SPEF1: variants seen among roughly 807,000 people sequenced by gnomAD.
SPEF1 encodes the protein sperm flagellar and cilia associated 1, also known as sperm flagella and cilia-associated protein 1.
Under a neutral mutation model 31.8 loss-of-function variants are expected in SPEF1, and 30 were observed. The observed-to-expected ratio is 0.94, with a 90% confidence interval of 0.70 to 1.28. The LOEUF (loss-of-function observed/expected upper bound fraction) is 1.28. Among genes scored for constraint, SPEF1 ranks in the 50% most tolerant of loss-of-function variants. SPEF1 has a pLI of 0.00. For synonymous variants in SPEF1, 126 were observed against 130.1 expected, an observed-to-expected ratio of 0.97 and a Z score of 0.21; for missense variants, 298 against 309.6, an observed-to-expected ratio of 0.96 and a Z score of 0.28.
intron 3 of SPEF1, 45 bp downstream of exon 3, chr20:3,779,151 C>T (rs768391814): frequency 1.3e-6 from 2 of 1,544,826 alleles, no homozygotes; most frequent in Non-Finnish European, 1.7e-6. Flanking sequence ...GAGCGCCCCC[C>T]ACCCAGCCCC....
At position 3,781,165 on chromosome 20, in the gene SPEF1, A is replaced by G. The variant is rs2088777046; in HGVS notation, c.109+14T>C. ...CATACAGGACAGAACATGCAGACAC[A>G]CAAGGGCACACACCTCCATCGCTAA... On this transcript the variant is annotated intron_variant, in intron 1 of 6. Transcript: ENST00000379756. 1 of 1,613,972 alleles carries G rather than the reference A, an allele frequency of 6.2e-7. No individual in the cohort carries two copies. Among genetic ancestry groups the G allele is most frequent in the African/African-American group, 1.3e-5 (1 of 74,922 alleles).
At chr20:3,779,110 A>C in intron 3 of SPEF1, 86 bp downstream of exon 3, 1 of 1,560,336 alleles carries the variant, frequency 6.4e-7, no homozygotes, top group Non-Finnish European at 8.7e-7. Context: ...CCCCACACTT[A>C]TCACCCAGGC....
Position 3,777,583 on chromosome 20 carries a change from G to A in SPEF1, c.*629C>T, listed in dbSNP as rs886485469. 6.6e-6 allele frequency: 1 copy of A among 152,350 alleles called. No homozygotes were observed. The highest frequency in any genetic ancestry group is 2.1e-4 in the South Asian group (1 of 4,840). 9.4% of individuals were successfully genotyped at this position (152,350 alleles called of 1,614,324 possible). On this transcript the variant is annotated 3_prime_UTR_variant, in exon 7 of 7. Transcript: ENST00000379756. This position sits in a 1 kb window ranked among gnomAD's most constrained non-coding sequence, Gnocchi z 4.1. Reference sequence around the variant, plus strand: ...TCCGCCTCAGTACCCCGTGCGCGAGGAGGGAGGGGCGACTGCTACGGGCAC... The same window carrying A: ...TCCGCCTCAGTACCCCGTGCGCGAGAAGGGAGGGGCGACTGCTACGGGCAC...
intron 3 of SPEF1, 55 bp from the exon 4 acceptor site, chr20:3,779,045 C>A (rs1258545757): frequency 6.2e-7 from 1 of 1,612,544 alleles, no homozygotes. Context: ...CCCCAAGGAG[C>A]CCCATGTCCC....
At chr20:3,778,829 A>C in intron 4 of SPEF1, 23 bp from the exon 5 acceptor site, 1 of 1,613,590 alleles carries the variant, frequency 6.2e-7, no homozygotes, top group Non-Finnish European at 8.5e-7. Flanking sequence ...AAGTGGAGGA[A>C]TGACTGTGCT....
rs751724022 is a variant in SPEF1, at chr20:3,781,403, A to G, written c.-116T>C. 3.3e-5 allele frequency: 47 copies of G among 1,432,930 alleles called. No homozygotes were observed. Among genetic ancestry groups the G allele is most frequent in the Non-Finnish European group, 4.3e-5 (46 of 1,080,676 alleles). The allele number at this position is 1,432,930 out of a possible 1,614,324, so 88.8% of individuals were successfully genotyped here. A position where few individuals can be genotyped will look rare whatever the true frequency, so the allele number is the denominator to read the frequency against. Reference sequence around the variant, plus strand: ...AGCCCATAACTGCCTCTGCCTGCCTAATCCAGAGACTCACGTCCCAGCTGG... The same window carrying G: ...AGCCCATAACTGCCTCTGCCTGCCTGATCCAGAGACTCACGTCCCAGCTGG... On this transcript the variant is annotated 5_prime_UTR_variant, in exon 1 of 7. Coordinates refer to ENST00000379756, the MANE Select transcript of SPEF1 (RefSeq NM_015417.5).
At chr20:3,779,508 G>A (rs908871201) in intron 2 of SPEF1, among the ~76,000 whole-genome samples, 156 bp from the exon 3 acceptor site, 1 of 152,156 alleles carries the variant, frequency 6.6e-6, no homozygotes, top group African/African-American at 2.4e-5. Flanking sequence ...TGGGTGTTCC[G>A]AGGTTCCTTG....
chr20:3,778,110 G>T lies in SPEF1; in HGVS notation c.*102C>A. On this transcript the variant is annotated 3_prime_UTR_variant, in exon 7 of 7. Transcript: ENST00000379756. ...GCCCCAGCAGGCTCGTGAGAGCAGC[G>T]GGCTCCGCCCTCCCAATGGTCTATC... 1 of 836,720 alleles carries T rather than the reference G, an allele frequency of 1.2e-6. No individual in the cohort carries two copies. Among genetic ancestry groups the T allele is most frequent in the Non-Finnish European group, 1.8e-6 (1 of 556,630 alleles). 51.8% of individuals were successfully genotyped at this position (836,720 alleles called of 1,614,324 possible). A position where few individuals can be genotyped will look rare whatever the true frequency, so the allele number is the denominator to read the frequency against.
At chr20:3,779,848 T>C (rs183379759) in intron 1 of SPEF1, 73 bp from the exon 2 acceptor site, 3 of 226,914 alleles carry the variant, frequency 1.3e-5, no homozygotes, top group East Asian at 9.1e-5. Flanking sequence ...AAGGTGGGGG[T>C]GGGAGAATCA....
chr20:3,781,417 C>G lies in SPEF1; in HGVS notation c.-130G>C. The G allele has an allele frequency of 1.5e-6, 2 of 1,371,174 alleles. No individual in the cohort carries two copies. The highest frequency in any genetic ancestry group is 1.9e-6 in the Non-Finnish European group (2 of 1,030,848). The allele number at this position is 1,371,174 out of a possible 1,614,324, so 84.9% of individuals were successfully genotyped here. ...TCTGCCTGCCTAATCCAGAGACTCA[C>G]GTCCCAGCTGGGAGCGGCCATATTG... On this transcript the variant is annotated 5_prime_UTR_variant, in exon 1 of 7. Transcript: ENST00000379756.
Position 3,778,167 on chromosome 20 carries a change from G to T in SPEF1, c.*45C>A. On this transcript the variant is annotated 3_prime_UTR_variant, in exon 7 of 7. Transcript: ENST00000379756. ...TGGGTGGGTCCGGCGCGGCGTCGGG[G>T]CTCTGGCGGGTACCCGGGCGTCCCC... 7.3e-7 allele frequency: 1 copy of T among 1,377,970 alleles called. No homozygotes were observed. The highest frequency in any genetic ancestry group is 9.8e-7 in the Non-Finnish European group (1 of 1,018,812). The allele number at this position is 1,377,970 out of a possible 1,614,324, so 85.4% of individuals were successfully genotyped here.
chr20:3,779,527 C>G, intron 2 of SPEF1, 137 bp downstream of exon 2: 1 of 875,656 alleles, frequency 1.1e-6, no homozygotes, highest in Admixed American at 2.2e-5. Flanking sequence ...TGCCTCCTTC[C>G]TAATAGAAGA....
At chr20:3,780,334 CAA>C (rs58819644) in intron 1 of SPEF1, among the ~76,000 whole-genome samples, 337 of 58,296 alleles carry the variant, frequency 5.8e-3, no homozygotes, top group African/African-American at 0.024. Flanking sequence ...GACTCTGTCT[CAA>C]AAAAAAAAAA....
At position 3,778,516 on chromosome 20, in the gene SPEF1, GA is replaced by G. The variant is rs1568492418; in HGVS notation, c.507del (p.Pro170GlnfsTer36). The G allele has an allele frequency of 7.4e-6, 12 of 1,610,792 alleles. No homozygotes were observed. Among genetic ancestry groups the G allele is most frequent in the Non-Finnish European group, 8.5e-6 (10 of 1,179,146 alleles). Reference sequence around the variant, plus strand: ...CCCTGCAACGCCCGGTTATACGCTGGAGGCCGAGGCGCCGGCGGCCGGTCCC... The same window carrying G: ...CCCTGCAACGCCCGGTTATACGCTGGGGCCGAGGCGCCGGCGGCCGGTCCC... ...LSWDRPPAPR[P>X]PAYNRALQGD... On this transcript the variant is annotated frameshift_variant, in exon 6 of 7. Transcript: ENST00000379756. LOFTEE classifies it high-confidence loss of function.
At position 3,778,750 on chromosome 20, in the gene SPEF1, G is replaced by A; in HGVS notation, c.475C>T (p.Leu159Phe). The A allele has an allele frequency of 1.2e-6, 2 of 1,613,544 alleles. No individual in the cohort carries two copies. The highest frequency in any genetic ancestry group is 1.7e-6 in the Non-Finnish European group (2 of 1,179,626). The part of the protein sequence containing the change: ...GVPDPQGGGQ[L>F]SWDRPPAPRP... ...TGGAACTCCCAGCTTCTTTACCTGA[G>A]CTGACCCCCTCCCTGGGGGTCCGGG... Residue 159 changes from leucine (L) to phenylalanine (F), a missense_variant, in exon 5 of 7, where the codon CTC becomes TTC. Coordinates refer to ENST00000379756, the MANE Select transcript of SPEF1 (RefSeq NM_015417.5).
intron 2 of SPEF1, 92 bp downstream of exon 2, chr20:3,779,572 G>T: frequency 9.8e-7 from 1 of 1,016,726 alleles, no homozygotes; most frequent in Non-Finnish European, 1.5e-6. Flanking sequence ...AATTCTGTCT[G>T]CGTTGACCCT....
Position 3,779,289 on chromosome 20 carries a change from G to A in SPEF1, c.285C>T (p.Cys95=). The part of the protein sequence containing the change: ...PDDVMRKIAQ[C]APGVVELVLI... ...GCACCAGCTCCACCACGCCTGGGGC[G>A]CACTGCGCGATCTTGCGCATCACGT... Residue 95 remains cysteine (C), a synonymous_variant, in exon 3 of 7, where the codon TGC becomes TGT. Coordinates refer to ENST00000379756, the MANE Select transcript of SPEF1 (RefSeq NM_015417.5). 3.8e-6 allele frequency: 6 copies of A among 1,599,096 alleles called. No individual in the cohort carries two copies. Among genetic ancestry groups the A allele is most frequent in the Non-Finnish European group, 5.1e-6 (6 of 1,172,118 alleles).
At position 3,778,068 on chromosome 20, in the gene SPEF1, G is replaced by A. The variant is rs2088755337; in HGVS notation, c.*144C>T. ...CTCCTCCCACGCTCACCCATCCCAA[G>A]GAAGGAGGGCACTCGGGCCCCAGCA... On this transcript the variant is annotated 3_prime_UTR_variant, in exon 7 of 7. Coordinates refer to ENST00000379756, the MANE Select transcript of SPEF1 (RefSeq NM_015417.5). 1 of 626,892 alleles carries A rather than the reference G, an allele frequency of 1.6e-6. No homozygotes were observed. The highest frequency in any genetic ancestry group is 2.0e-5 in the South Asian group (1 of 48,992). 38.8% of individuals were successfully genotyped at this position (626,892 alleles called of 1,614,324 possible). A position where few individuals can be genotyped will look rare whatever the true frequency, so the allele number is the denominator to read the frequency against.
In SPEF1 at chr20:3,781,346, CCT is replaced by C. The variant is rs2088778622; in HGVS notation, c.-61_-60del. 1.3e-6 allele frequency: 2 copies of C among 1,569,274 alleles called. No individual in the cohort carries two copies. The highest frequency in any genetic ancestry group is 1.4e-5 in the African/African-American group (1 of 73,590). On this transcript the variant is annotated 5_prime_UTR_variant, in exon 1 of 7. Transcript: ENST00000379756. ...CCGGGTCCCGCCCCAGCCTCACGAC[CCT>C]TCAGGCGCTTCCTTTCTCGCCACTG...
Sources: gnomAD v4.1 joint callset for allele counts (sites outside exome capture counted in the v4.1 genomes callset) on GRCh38, gnomAD v4.1.1 for gene constraint, Gnocchi (gnomAD v3.1) non-coding constraint, MANE v1.5 for transcripts, NCBI Gene and HGNC (gene_info 2026-07-23, HGNC 2026-07-21) for gene names.